HNRNPH3: variants seen among roughly 807,000 people sequenced by gnomAD.
HNRNPH3 encodes the protein heterogeneous nuclear ribonucleoprotein 2H9.
A neutral mutation model predicts 47.0 loss-of-function variants in HNRNPH3; 7 were observed. The ratio of observed to expected loss-of-function variants is 0.15; its 90% CI spans 0.08 to 0.28. HNRNPH3 has a LOEUF of 0.28. HNRNPH3 is among the 10% of genes least tolerant of loss of function. The pLI is 1.00. For missense variants in HNRNPH3, 279 were observed against 449.6 expected, an observed-to-expected ratio of 0.62 and a Z score of 3.43; for synonymous variants, 120 against 143.2, an observed-to-expected ratio of 0.84 and a Z score of 1.16.
At position 68,342,039 on chromosome 10, in the gene HNRNPH3, G is replaced by C; in HGVS notation, c.1026G>C (p.Trp342Cys). Reference protein sequence around the residue: ...YGQGGMSGGGWRGMY With the variant: ...YGQGGMSGGGCRGMY ...AAGGCGGCATGAGTGGAGGTGGATG[G>C]CGTGGGATGTACTGAAAGCAAAAAC... Residue 342 changes from tryptophan to cysteine, a missense_variant, in exon 10 of 10, where the codon TGG (tryptophan) becomes TGC (cysteine). Trp to Cys is a radical substitution (Grantham distance 215). This residue lies in a region of HNRNPH3 where 239 missense variants were observed against 335.8 expected (regional missense o/e 0.71). Coordinates refer to ENST00000265866, the MANE Select transcript of HNRNPH3 (RefSeq NM_012207.3). 1 of 1,613,676 alleles carries C rather than the reference G, an allele frequency of 6.2e-7. No individual in the cohort carries two copies. The highest frequency in any genetic ancestry group is 8.5e-7 in the Non-Finnish European group (1 of 1,179,866).
intron 1 of HNRNPH3, chr10:68,333,124 G>A (rs1024368012): frequency 6.8e-6 from 1 of 147,596 alleles, no homozygotes; most frequent in African/African-American, 2.5e-5. Flanking sequence ...TTTTCCAAAG[G>A]GTTTTTTTTT....
intron 1 of HNRNPH3, among the ~76,000 whole-genome samples, chr10:68,332,624 T>C (rs778338343): frequency 6.2e-4 from 94 of 151,910 alleles, no homozygotes; most frequent in Non-Finnish European, 1.2e-3. Flanking sequence ...CAAAGCTCCC[T>C]GGAAGGGATG....
chr10:68,339,964 G>A (rs771455793), intron 6 of HNRNPH3, among the ~76,000 whole-genome samples: 2 of 152,140 alleles, frequency 1.3e-5, no homozygotes, highest in Non-Finnish European at 2.9e-5. Flanking sequence ...AGAGTATAAT[G>A]AAAGACTGAT....
In HNRNPH3 at chr10:68,337,176, A is replaced by G. The variant is rs776912245; in HGVS notation, c.-23-23A>G. On this transcript the variant is annotated intron_variant, in intron 1 of 9. Coordinates refer to ENST00000265866, the MANE Select transcript of HNRNPH3 (RefSeq NM_012207.3). This position sits in a 1 kb window ranked among gnomAD's most constrained non-coding sequence, Gnocchi z 4.5. ...AGAGTATATTTTGATTGACTGCTCT[A>G]TGTGCTTGTTTATTTTTTATAGCAT... 7.0e-6 allele frequency: 8 copies of G among 1,141,010 alleles called. No homozygotes were observed. Among genetic ancestry groups the G allele is most frequent in the South Asian group, 6.3e-5 (5 of 79,778 alleles). The allele number at this position is 1,141,010 out of a possible 1,614,324, so 70.7% of individuals were successfully genotyped here. A position where few individuals can be genotyped will look rare whatever the true frequency, so the allele number is the denominator to read the frequency against.
At chr10:68,333,138 CAT>C (rs2045300457) in intron 1 of HNRNPH3, 1 of 147,176 alleles carries the variant, frequency 6.8e-6, no homozygotes, top group Non-Finnish European at 1.5e-5. Flanking sequence ...TTTTTTTTTT[CAT>C]GTTTAAACGT....
At position 68,338,554 on chromosome 10, in the gene HNRNPH3, T is replaced by G; in HGVS notation, c.303T>G (p.Asp101Glu). ...SSRSEIKGFY[D>E]PPRRLLGQRP... ...GGAGTGAAATCAAAGGATTTTATGATCCACCAAGAAGATTGCTGGGACAGC... is the reference window on the plus strand; with the variant it reads ...GGAGTGAAATCAAAGGATTTTATGAGCCACCAAGAAGATTGCTGGGACAGC... Residue 101 changes from aspartate to glutamate, a missense_variant, in exon 4 of 10, where the codon GAT (aspartate) becomes GAG (glutamate). This residue lies in a region of HNRNPH3 where 239 missense variants were observed against 335.8 expected (regional missense o/e 0.71). Coordinates refer to ENST00000265866, the MANE Select transcript of HNRNPH3 (RefSeq NM_012207.3). 6.2e-7 allele frequency: 1 copy of G among 1,612,940 alleles called. No homozygotes were observed. The highest frequency in any genetic ancestry group is 8.5e-7 in the Non-Finnish European group (1 of 1,179,074).
At chr10:68,338,213 G>T in intron 3 of HNRNPH3, 1 of 460,948 alleles carries the variant, frequency 2.2e-6, no homozygotes, top group Non-Finnish European at 3.8e-6. Context: ...GTAGGATGTT[G>T]TTGATAAATG....
chr10:68,338,823 A>G (rs2045668650), intron 4 of HNRNPH3, 136 bp downstream of exon 4: 1 of 665,278 alleles, frequency 1.5e-6, no homozygotes, highest in Non-Finnish European at 2.4e-6. Flanking sequence ...ACGGATTCCC[A>G]TGGCTAGCTG....
Position 68,342,134 on chromosome 10 carries a change from T to C in HNRNPH3, c.*80T>C. The C allele has an allele frequency of 1.0e-6, 1 of 968,040 alleles. No homozygotes were observed. The highest frequency in any genetic ancestry group is 1.9e-5 in the South Asian group (1 of 53,790). The allele number at this position is 968,040 out of a possible 1,614,324, so 60.0% of individuals were successfully genotyped here. A position where few individuals can be genotyped will look rare whatever the true frequency, so the allele number is the denominator to read the frequency against. On this transcript the variant is annotated 3_prime_UTR_variant, in exon 10 of 10. Coordinates refer to ENST00000265866, the MANE Select transcript of HNRNPH3 (RefSeq NM_012207.3). ...TCTTACAGATTTAATTTCTTTTGTA[T>C]TTTAAGAACTTTATAATGACTGAAG...
chr10:68,342,035 G>T lies in HNRNPH3; in HGVS notation c.1022G>T (p.Gly341Val). The T allele has an allele frequency of 6.2e-7, 1 of 1,613,756 alleles. No individual in the cohort carries two copies. Among genetic ancestry groups the T allele is most frequent in the Non-Finnish European group, 8.5e-7 (1 of 1,179,906 alleles). Residue 341 changes from glycine to valine, a missense_variant, in exon 10 of 10, where the codon GGA becomes GTA. This residue lies in a region of HNRNPH3 where 239 missense variants were observed against 335.8 expected (regional missense o/e 0.71). Transcript: ENST00000265866. ...YYGQGGMSGG[G>V]WRGMY The stretch of plus-strand genomic sequence containing the variant: ...GGGCAAGGCGGCATGAGTGGAGGTG[G>T]ATGGCGTGGGATGTACTGAAAGCAA...
intron 6 of HNRNPH3, 28 bp from the exon 7 acceptor site, chr10:68,341,146 A>G (rs749660851): frequency 1.4e-6 from 2 of 1,480,312 alleles, no homozygotes; most frequent in African/African-American, 2.9e-5. Context: ...CTCAATAGAA[A>G]AGTAAATAAG....
chr10:68,339,802 C>T (rs2045760514), intron 6 of HNRNPH3, among the ~76,000 whole-genome samples: 2 of 151,756 alleles, frequency 1.3e-5, no homozygotes, highest in African/African-American at 4.8e-5. Context: ...CCTCAGCCTC[C>T]CGAGTAGCTG....
chr10:68,338,754 A>G, intron 4 of HNRNPH3, 67 bp downstream of exon 4: 1 of 1,296,058 alleles, frequency 7.7e-7, no homozygotes, highest in South Asian at 1.6e-5. Flanking sequence ...TTTGTCAAGA[A>G]ATACAGAAAT....
chr10:68,332,817 C>T (rs944834087), intron 1 of HNRNPH3: 10 of 152,400 alleles, frequency 6.6e-5, no homozygotes, highest in African/African-American at 2.4e-4. Flanking sequence ...ACTTCTGACG[C>T]AGATTCCCAA....
intron 7 of HNRNPH3, 123 bp downstream of exon 7, chr10:68,341,432 T>G (rs2045929909): frequency 9.2e-7 from 1 of 1,086,388 alleles, no homozygotes; most frequent in African/African-American, 1.6e-5. Flanking sequence ...ACCTCTATAA[T>G]GGCTTTCTGT....
rs747005482 is a variant in HNRNPH3, at chr10:68,338,567, T to C, written c.316T>C (p.Leu106=). ...IKGFYDPPRR[L]LGQRPGPYDR... Reference sequence around the variant, plus strand: ...AGGATTTTATGATCCACCAAGAAGATTGCTGGGACAGCGACCGGGACCATA... The same window carrying C: ...AGGATTTTATGATCCACCAAGAAGACTGCTGGGACAGCGACCGGGACCATA... Residue 106 remains leucine, a synonymous_variant, in exon 4 of 10, where the codon TTG becomes CTG. Transcript: ENST00000265866. The C allele has an allele frequency of 8.7e-6, 14 of 1,612,968 alleles. No homozygotes were observed. The highest frequency in any genetic ancestry group is 2.2e-5 in the South Asian group (2 of 90,998).
intron 1 of HNRNPH3, among the ~76,000 whole-genome samples, chr10:68,336,155 C>G (rs2045534512): frequency 6.7e-6 from 1 of 149,958 alleles, no homozygotes; most frequent in Admixed American, 6.8e-5. Context: ...ATAAAGGAAT[C>G]AAATGAACAA....
chr10:68,334,692 A>T (rs1350022820), intron 1 of HNRNPH3, among the ~76,000 whole-genome samples: 1 of 152,194 alleles, frequency 6.6e-6, no homozygotes, highest in Non-Finnish European at 1.5e-5. Flanking sequence ...TTAGAAAATT[A>T]TACTTAAAGT....
chr10:68,336,187 G>A (rs898386069), intron 1 of HNRNPH3, among the ~76,000 whole-genome samples: 3 of 152,184 alleles, frequency 2.0e-5, no homozygotes, highest in African/African-American at 7.2e-5. Context: ...AGGGGAGGAG[G>A]TGGTGAGGGA....
Sources: gnomAD v4.1 joint callset for allele counts (sites outside exome capture counted in the v4.1 genomes callset) on GRCh38, gnomAD v4.1.1 for gene constraint, gnomAD v4.1.1 regional missense constraint, Gnocchi (gnomAD v3.1) non-coding constraint, MANE v1.5 for transcripts, NCBI Gene and HGNC (gene_info 2026-07-23, HGNC 2026-07-21) for gene names.